The following QNG1 variants were observed in gnomAD, a reference collection of about 807,000 sequenced individuals.
QNG1 encodes Q-nucleotide N-glycosylase 1.
the QNG1 span, chr9:83,956,068 C>T: frequency 5.5e-5 from 70 of 1,267,664 alleles, no homozygotes; most frequent in Non-Finnish European, 4.3e-5. Context: ...TCCATTATTC[C>T]ATCTCCCAAC....
At chr9:83,944,455 T>C in the QNG1 span, among the ~76,000 whole-genome samples, 2 of 152,192 alleles carry the variant, frequency 1.3e-5, no homozygotes, top group African/African-American at 4.8e-5. Flanking sequence ...CCTACCTTCA[T>C]ATAACCATGT....
the QNG1 span, among the ~76,000 whole-genome samples, chr9:83,948,706 A>G: frequency 3.9e-5 from 6 of 152,256 alleles, no homozygotes; most frequent in African/African-American, 1.4e-4. Context: ...GTGTCCGTGT[A>G]GAAAGAAGTA....
At chr9:83,947,578 G>C in the QNG1 span, among the ~76,000 whole-genome samples, 1 of 152,218 alleles carries the variant, frequency 6.6e-6, no homozygotes, top group African/African-American at 2.4e-5. Flanking sequence ...AGGCTGGACC[G>C]TACTGCCGCC....
At chr9:83,956,614 G>A in the QNG1 span, 8 of 844,828 alleles carry the variant, frequency 9.5e-6, no homozygotes, top group Middle Eastern at 5.7e-4. Context: ...ACAAGGTCCC[G>A]CCCTGCCAGG....
chr9:83,940,347 G>A, the QNG1 span, among the ~76,000 whole-genome samples: 2 of 152,038 alleles, frequency 1.3e-5, no homozygotes, highest in Non-Finnish European at 2.9e-5. Context: ...CCAGCTACTC[G>A]GGAGGTTGAG....
the QNG1 span, chr9:83,956,717 G>C: frequency 2.3e-6 from 1 of 426,914 alleles, no homozygotes; most frequent in African/African-American, 2.0e-5. Context: ...GGGGCAGCTC[G>C]CTGGGCAGAG....
At chr9:83,948,437 C>T in the QNG1 span, among the ~76,000 whole-genome samples, 4 of 140,396 alleles carry the variant, frequency 2.8e-5, no homozygotes, top group East Asian at 2.2e-4. Context: ...TGGGGGGCAG[C>T]CCCCCCGCCC....
the QNG1 span, among the ~76,000 whole-genome samples, chr9:83,949,489 A>T: frequency 3.3e-5 from 5 of 152,128 alleles, no homozygotes; most frequent in Admixed American, 2.6e-4. Flanking sequence ...ACTAAAAAAA[A>T]TACAAAATTA....
the QNG1 span, chr9:83,955,647 T>A: frequency 1.9e-6 from 3 of 1,606,282 alleles, no homozygotes; most frequent in Non-Finnish European, 2.6e-6. Context: ...ATCCCTTTAG[T>A]GAAAAAATAA....
the QNG1 span, among the ~76,000 whole-genome samples, chr9:83,943,468 G>A: frequency 2.0e-5 from 3 of 150,884 alleles, no homozygotes; most frequent in Admixed American, 1.3e-4. Context: ...TGAAAAATAA[G>A]CCCTGATTGC....
At chr9:83,944,976 G>C in the QNG1 span, 1 of 1,603,382 alleles carries the variant, frequency 6.2e-7, no homozygotes. Context: ...TTTGTAAAAA[G>C]AAACTCTTTT....
At chr9:83,948,330 T>A in the QNG1 span, among the ~76,000 whole-genome samples, 1 of 100,258 alleles carries the variant, frequency 1.0e-5, no homozygotes, top group African/African-American at 2.8e-5. Flanking sequence ...CCGCCCCGTC[T>A]GGGAAGTGAG....
the QNG1 span, chr9:83,956,707 G>C: frequency 2.3e-5 from 10 of 437,862 alleles, no homozygotes; most frequent in African/African-American, 1.0e-4. Flanking sequence ...GAGAGACCCC[G>C]GGGCAGCTCG....
the QNG1 span, among the ~76,000 whole-genome samples, chr9:83,948,618 G>A: frequency 4.6e-5 from 7 of 152,028 alleles, no homozygotes; most frequent in African/African-American, 1.7e-4. Context: ...TTGAGAGCGG[G>A]CCATGATGAC....
chr9:83,955,477 A>G, the QNG1 span: 8 of 1,614,064 alleles, frequency 5.0e-6, no homozygotes, highest in Non-Finnish European at 5.9e-6. Flanking sequence ...CGCAGTTGAG[A>G]AAAGAGCCTC....
the QNG1 span, chr9:83,956,901 C>T: frequency 6.1e-6 from 1 of 164,848 alleles, no homozygotes; most frequent in Admixed American, 6.3e-5. Flanking sequence ...TCTCACCCCG[C>T]TTCGGACAGG....
chr9:83,947,549 TC>T, the QNG1 span, among the ~76,000 whole-genome samples: 1 of 152,236 alleles, frequency 6.6e-6, no homozygotes, highest in Non-Finnish European at 1.5e-5. Context: ...TTCCAGGGTC[TC>T]CCTCTGATGC....
chr9:83,950,787 G>C, the QNG1 span, among the ~76,000 whole-genome samples: 2 of 151,832 alleles, frequency 1.3e-5, no homozygotes, highest in African/African-American at 4.8e-5. Flanking sequence ...ATTTTGCAGA[G>C]ATGAGGTTTC....
At chr9:83,955,609 C>G in the QNG1 span, 2 of 1,613,972 alleles carry the variant, frequency 1.2e-6, no homozygotes, top group Non-Finnish European at 8.5e-7. Context: ...GGGTCACTGT[C>G]GCGTAGTACG....
Sources: allele counts gnomAD v4.1 joint callset (sites outside exome capture counted in the v4.1 genomes callset), GRCh38; gene constraint gnomAD v4.1.1; transcripts MANE v1.5; gene names NCBI Gene and HGNC (gene_info 2026-07-23, HGNC 2026-07-21).